Variants in MYO5B observed in about 807,000 individuals in gnomAD.
The protein encoded by MYO5B is myosin VB, also known as unconventional myosin-Vb.
MYO5B carries 143 observed loss-of-function variants against 229.3 expected under a neutral mutation model. The ratio of observed to expected loss-of-function variants is 0.62; its 90% CI spans 0.54 to 0.72. The LOEUF (loss-of-function observed/expected upper bound fraction) is 0.72. MYO5B is among the 30% of genes least tolerant of loss of function. MYO5B has a pLI of 0.00. For synonymous variants in MYO5B, 918 were observed against 885.2 expected, an observed-to-expected ratio of 1.04 and a Z score of -0.66; for missense variants, 2,321 against 2,331.0, an observed-to-expected ratio of 1.00 and a Z score of 0.09.
At chr18:50,136,429 A>T (rs2032337963) in intron 1 of MYO5B, among the ~76,000 whole-genome samples, 1 of 144,244 alleles carries the variant, frequency 6.9e-6, no homozygotes, top group Non-Finnish European at 1.5e-5. Flanking sequence ...TAATATTACC[A>T]GGTGATGATA....
At chr18:49,896,277 C>T (rs1359461030) in intron 21 of MYO5B, among the ~76,000 whole-genome samples, 1 of 152,180 alleles carries the variant, frequency 6.6e-6, no homozygotes, top group African/African-American at 2.4e-5. Flanking sequence ...GACATGCTAC[C>T]CGCTCCCCAG....
chr18:50,068,865 C>T (rs2030885574), intron 1 of MYO5B, among the ~76,000 whole-genome samples: 1 of 152,180 alleles, frequency 6.6e-6, no homozygotes, highest in Admixed American at 6.5e-5. Flanking sequence ...ATCATTTAAC[C>T]ACCTTCCTGC....
intron 2 of MYO5B, among the ~76,000 whole-genome samples, chr18:50,048,184 T>C (rs753505093): frequency 6.6e-6 from 1 of 152,054 alleles, no homozygotes. Flanking sequence ...TGTTTAAGTT[T>C]TATCACCATC....
At chr18:50,172,541 A>G (rs1246165168) in intron 1 of MYO5B, among the ~76,000 whole-genome samples, 4 of 152,220 alleles carry the variant, frequency 2.6e-5, no homozygotes, top group African/African-American at 7.2e-5. Flanking sequence ...CTCTCCCTCA[A>G]TGATACTGAA....
intron 1 of MYO5B, among the ~76,000 whole-genome samples, chr18:50,073,814 A>G (rs2144453846): frequency 6.6e-6 from 1 of 152,254 alleles, no homozygotes; most frequent in Non-Finnish European, 1.5e-5. Flanking sequence ...GGTTCAAGCA[A>G]AAGCCTGGAG....
intron 11 of MYO5B, 95 bp from the exon 12 acceptor site, chr18:49,962,501 A>G: frequency 1.3e-6 from 2 of 1,529,898 alleles, no homozygotes; most frequent in African/African-American, 2.7e-5. Flanking sequence ...TCTGGAGGAC[A>G]GCAGAGAACT....
intron 1 of MYO5B, among the ~76,000 whole-genome samples, chr18:50,192,550 C>T (rs1203103566): frequency 3.3e-5 from 5 of 152,182 alleles, no homozygotes; most frequent in Admixed American, 3.3e-4. Flanking sequence ...CTTTAGGAAG[C>T]CAAAGCTTTA....
chr18:50,059,982 C>T (rs1268105490), intron 1 of MYO5B, among the ~76,000 whole-genome samples: 1 of 152,150 alleles, frequency 6.6e-6, no homozygotes, highest in African/African-American at 2.4e-5. Flanking sequence ...GACAAGACCA[C>T]AGTAGCTGGG....
In MYO5B at chr18:49,992,329, T is replaced by C. The variant is rs1277183245; in HGVS notation, c.715A>G (p.Met239Val). The C allele has an allele frequency of 1.2e-6, 2 of 1,614,080 alleles. No individual in the cohort carries two copies. Among genetic ancestry groups the C allele is most frequent in the East Asian group, 4.5e-5 (2 of 44,896 alleles). Reference protein sequence around the residue: ...DKRYHIIGANMRTYLLEKSRV... With the variant: ...DKRYHIIGANVRTYLLEKSRV... ...GACTTCTCCAAGAGGTAAGTCCTCATGTTGGCCCCGATGATGTGGTACCTT... is the reference window on the plus strand; with the variant it reads ...GACTTCTCCAAGAGGTAAGTCCTCACGTTGGCCCCGATGATGTGGTACCTT... Residue 239 changes from methionine (M) to valine (V), a missense_variant, in exon 6 of 40, where the codon ATG (methionine) becomes GTG (valine). Met to Val is a conservative substitution (Grantham distance 21). Transcript: ENST00000285039.
chr18:50,152,186 T>C (rs2032609360), intron 1 of MYO5B, among the ~76,000 whole-genome samples: 1 of 152,198 alleles, frequency 6.6e-6, no homozygotes, highest in African/African-American at 2.4e-5. Flanking sequence ...CGAGTCCCAA[T>C]GGTGCCTCCC....
At position 49,974,339 on chromosome 18, in the gene MYO5B, G is replaced by C; in HGVS notation, c.1322+11C>G. The C allele has an allele frequency of 6.2e-7, 1 of 1,614,178 alleles. No homozygotes were observed. Among genetic ancestry groups the C allele is most frequent in the Non-Finnish European group, 8.5e-7 (1 of 1,180,016 alleles). On this transcript the variant is annotated intron_variant, in intron 10 of 39. Coordinates refer to ENST00000285039, the MANE Select transcript of MYO5B (RefSeq NM_001080467.3). ...AGGTAGCAGATAGAGCGAGACAGGC[G>C]GCAGGCCTACCCATAGATGTCCAGG...
intron 22 of MYO5B, among the ~76,000 whole-genome samples, chr18:49,886,721 T>G (rs1360510702): frequency 6.6e-6 from 1 of 152,198 alleles, no homozygotes; most frequent in Admixed American, 6.5e-5. Flanking sequence ...GGCTAAAATG[T>G]GACCTGGTGT....
intron 7 of MYO5B, 58 bp from the exon 8 acceptor site, chr18:49,984,883 C>G: frequency 1.6e-6 from 2 of 1,253,638 alleles, no homozygotes; most frequent in Admixed American, 1.7e-5. Flanking sequence ...TCCCACAGAT[C>G]GTGACCCATG....
At chr18:50,188,784 A>AT (rs2033185437) in intron 1 of MYO5B, among the ~76,000 whole-genome samples, 3 of 33,354 alleles carry the variant, frequency 9.0e-5, no homozygotes, top group African/African-American at 2.3e-4. Flanking sequence ...AGACTCTGTC[A>AT]TAAAAAAAAA....
chr18:49,891,627 C>T (rs1167546329), intron 22 of MYO5B, among the ~76,000 whole-genome samples: 24 of 152,186 alleles, frequency 1.6e-4, no homozygotes, highest in Non-Finnish European at 1.5e-4. Context: ...CCTCAGCCTC[C>T]ACATGAACCA....
intron 1 of MYO5B, among the ~76,000 whole-genome samples, chr18:50,173,567 C>T (rs1032742798): frequency 1.3e-5 from 2 of 152,058 alleles, no homozygotes; most frequent in African/African-American, 4.8e-5. Context: ...TTATGCGGGC[C>T]AGAGATCGTG....
intron 22 of MYO5B, among the ~76,000 whole-genome samples, chr18:49,894,637 C>T (rs145066408): frequency 2.3e-3 from 350 of 152,304 alleles, no homozygotes; most frequent in African/African-American, 7.8e-3. Context: ...AACAAGGATG[C>T]GGGCCACAGA....
chr18:50,004,807 T>C (rs1197625735), intron 4 of MYO5B, among the ~76,000 whole-genome samples: 1 of 152,206 alleles, frequency 6.6e-6, no homozygotes, highest in Non-Finnish European at 1.5e-5. Context: ...TACACACTAT[T>C]CTGTAACAGC....
intron 1 of MYO5B, among the ~76,000 whole-genome samples, chr18:50,121,134 C>A (rs535283526): frequency 1.1e-4 from 17 of 152,204 alleles, no homozygotes; most frequent in Non-Finnish European, 2.5e-4. Context: ...CTCTGTGAAT[C>A]CTTTCTGTCC....
Sources: gnomAD v4.1 joint callset for allele counts (sites outside exome capture counted in the v4.1 genomes callset) on GRCh38, gnomAD v4.1.1 for gene constraint, MANE v1.5 for transcripts, NCBI Gene and HGNC (gene_info 2026-07-23, HGNC 2026-07-21) for gene names.